The following PRDM16 variants were observed in gnomAD, a reference collection of about 807,000 sequenced individuals.
PRDM16 encodes the protein histone-lysine N-methyltransferase PRDM16.
In PRDM16, 23 loss-of-function variants were observed where a neutral mutation model predicts 110.6. The observed-to-expected ratio is 0.21, with a 90% CI of 0.15 to 0.29. The LOEUF (loss-of-function observed/expected upper bound fraction) is 0.29. Among genes scored for constraint, PRDM16 ranks in the 10% least tolerant of loss-of-function variants. The probability of loss-of-function intolerance (pLI) is 1.00; values close to 1 mark genes in which losing one functional copy is unlikely to be tolerated. For missense variants in PRDM16, 1,615 were observed against 1,794.3 expected, an observed-to-expected ratio of 0.90 and a Z score of 1.81; for synonymous variants, 799 against 781.8, an observed-to-expected ratio of 1.02 and a Z score of -0.37.
chr1:3,385,522 T>A (rs775353490), intron 4 of PRDM16, among the ~76,000 whole-genome samples: 47 of 152,140 alleles, frequency 3.1e-4, no homozygotes, highest in Non-Finnish European at 6.3e-4. Flanking sequence ...TGCCTGAGGC[T>A]GGCAGTTCCT....
chr1:3,180,869 T>C (rs899877073), intron 1 of PRDM16, among the ~76,000 whole-genome samples: 10 of 151,912 alleles, frequency 6.6e-5, no homozygotes, highest in South Asian at 6.2e-4. Context: ...CGCACGGCCT[T>C]ACACACGCAG....
chr1:3,373,887 A>G (rs1195116093), intron 3 of PRDM16, among the ~76,000 whole-genome samples: 3 of 152,256 alleles, frequency 2.0e-5, no homozygotes, highest in African/African-American at 4.8e-5. Context: ...AAGACAGAGC[A>G]GGGAACAGAC....
At chr1:3,374,165 C>T (rs752192342) in intron 3 of PRDM16, among the ~76,000 whole-genome samples, 2 of 152,168 alleles carry the variant, frequency 1.3e-5, no homozygotes, top group Non-Finnish European at 1.5e-5. Context: ...GGGCCAGGGC[C>T]GGCTTTTCAT....
At chr1:3,311,284 A>T (rs1329792515) in intron 3 of PRDM16, among the ~76,000 whole-genome samples, 2 of 151,650 alleles carry the variant, frequency 1.3e-5, no homozygotes, top group Non-Finnish European at 2.9e-5. Flanking sequence ...GCCTCGGCTC[A>T]CTCTTTTGCC....
intron 3 of PRDM16, among the ~76,000 whole-genome samples, chr1:3,346,503 G>A (rs190547963): frequency 6.8e-4 from 104 of 152,244 alleles, no homozygotes; most frequent in African/African-American, 2.5e-3. Context: ...GAGCACCCGC[G>A]GCATACGTGG....
At chr1:3,343,141 C>T (rs747271758) in intron 3 of PRDM16, among the ~76,000 whole-genome samples, 5 of 150,922 alleles carry the variant, frequency 3.3e-5, no homozygotes, top group South Asian at 2.1e-4. Context: ...CCAGCTGCTC[C>T]GGTCCTCACC....
intron 3 of PRDM16, among the ~76,000 whole-genome samples, chr1:3,287,579 T>C (rs12030066): frequency 3.0e-5 from 1 of 33,626 alleles, no homozygotes; most frequent in East Asian, 4.8e-3. Context: ...CATCCAGGAT[T>C]GCATTTACCG....
chr1:3,184,659 C>T (rs549962821), intron 1 of PRDM16, among the ~76,000 whole-genome samples: 1 of 152,242 alleles, frequency 6.6e-6, no homozygotes, highest in South Asian at 2.1e-4. Flanking sequence ...CGACCACCCC[C>T]TCTCTAGTTT....
intron 1 of PRDM16, among the ~76,000 whole-genome samples, chr1:3,147,356 G>A (rs779619802): frequency 3.0e-4 from 45 of 152,156 alleles, no homozygotes; most frequent in Middle Eastern, 3.4e-3. Flanking sequence ...CCTGTTTGCC[G>A]TCCCTGTCCC....
At chr1:3,092,684 G>A (rs1642305092) in intron 1 of PRDM16, among the ~76,000 whole-genome samples, 2 of 152,102 alleles carry the variant, frequency 1.3e-5, no homozygotes, top group African/African-American at 4.8e-5. Context: ...CTGGGTGCGG[G>A]GAGCCTCCTT....
intron 3 of PRDM16, among the ~76,000 whole-genome samples, chr1:3,368,397 C>A (rs533827847): frequency 6.6e-6 from 1 of 152,184 alleles, no homozygotes; most frequent in Non-Finnish European, 1.5e-5. Flanking sequence ...GGGCCCCGGG[C>A]AGGAAGACAC....
intron 3 of PRDM16, among the ~76,000 whole-genome samples, chr1:3,321,694 T>C (rs2100456769): frequency 6.6e-6 from 1 of 151,454 alleles, no homozygotes; most frequent in Non-Finnish European, 1.5e-5. Context: ...GGTGCACGTG[T>C]GTGTGCTTTG....
rs1335595225 is a variant in PRDM16, at chr1:3,353,473, C to A, written c.439-31679C>A. On this transcript the variant is annotated intron_variant, in intron 3 of 16. Coordinates refer to ENST00000270722, the MANE Select transcript of PRDM16 (RefSeq NM_022114.4). The surrounding 1 kb of genome is among the most constrained non-coding windows in gnomAD (Gnocchi z 5.4). ...TTGGGGTCATTGAGGAATCTCAGCA[C>A]TGGCCCTGGCTTCTGGCAGGCACCT... Among the ~76,000 whole-genome samples the A allele has an allele frequency of 6.6e-6, 1 of 152,228 alleles. No individual in the cohort carries two copies. The highest frequency in any genetic ancestry group is 1.5e-5 in the Non-Finnish European group (1 of 68,036).
At chr1:3,181,096 ACGCAG>A (rs1644157029) in intron 1 of PRDM16, among the ~76,000 whole-genome samples, 29 of 22,776 alleles carry the variant, frequency 1.3e-3, no homozygotes, top group Non-Finnish European at 3.5e-3. Context: ...GGCCTTACAC[ACGCAG>A]TCTTACACGC....
intron 12 of PRDM16, among the ~76,000 whole-genome samples, chr1:3,420,285 C>A (rs1467012879): frequency 6.6e-6 from 1 of 152,154 alleles, no homozygotes; most frequent in South Asian, 2.1e-4. Context: ...GGTTTCTGGA[C>A]TGGCTTTGAT....
At chr1:3,150,934 G>T (rs1382138880) in intron 1 of PRDM16, among the ~76,000 whole-genome samples, 1 of 88,424 alleles carries the variant, frequency 1.1e-5, no homozygotes, top group Non-Finnish European at 2.2e-5. Context: ...GAAACGGGGG[G>T]GCTGGTCCTA....
At chr1:3,283,827 C>CAA (rs1268717145) in intron 3 of PRDM16, among the ~76,000 whole-genome samples, 1 of 152,230 alleles carries the variant, frequency 6.6e-6, no homozygotes, top group Non-Finnish European at 1.5e-5. Flanking sequence ...GGTGGTGTTG[C>CAA]GGCCACACAG....
intron 1 of PRDM16, among the ~76,000 whole-genome samples, chr1:3,124,943 G>T (rs774878022): frequency 6.6e-6 from 1 of 152,230 alleles, no homozygotes; most frequent in Non-Finnish European, 1.5e-5. Flanking sequence ...AGCAGCTGCA[G>T]TGTGGCCCCT....
At chr1:3,130,049 C>T (rs1465893505) in intron 1 of PRDM16, among the ~76,000 whole-genome samples, 1 of 152,168 alleles carries the variant, frequency 6.6e-6, no homozygotes, top group Non-Finnish European at 1.5e-5. Context: ...CCAAGCACCC[C>T]AGAGGGAGGT....
Sources: gnomAD v4.1 joint callset for allele counts (sites outside exome capture counted in the v4.1 genomes callset) on GRCh38, gnomAD v4.1.1 for gene constraint, Gnocchi (gnomAD v3.1) non-coding constraint, MANE v1.5 for transcripts, NCBI Gene and HGNC (gene_info 2026-07-23, HGNC 2026-07-21) for gene names.